The following FAM222A variants were observed in gnomAD, a reference collection of about 807,000 sequenced individuals.
FAM222A encodes protein FAM222A.
Under a neutral mutation model 25.8 loss-of-function variants are expected in FAM222A, and 7 were observed. The ratio of observed to expected loss-of-function variants is 0.27; its 90% CI spans 0.15 to 0.51. The LOEUF is 0.51. Among genes scored for constraint, FAM222A ranks in the 20% least tolerant of loss-of-function variants. FAM222A has a pLI of 0.97. For synonymous variants in FAM222A, 294 were observed against 298.8 expected (o/e 0.98, Z 0.17); for missense variants, 573 against 640.5 (o/e 0.89, Z 1.14).
At chr12:109,733,432 C>T (rs769055478) in intron 1 of FAM222A, among the ~76,000 whole-genome samples, 22 of 150,086 alleles carry the variant, frequency 1.5e-4, no homozygotes, top group Non-Finnish European at 1.3e-4. Context: ...GACGGAGTCT[C>T]GTTCTGTCAC....
intron 1 of FAM222A, among the ~76,000 whole-genome samples, chr12:109,724,868 G>A (rs569843094): frequency 1.3e-5 from 2 of 152,304 alleles, no homozygotes; most frequent in South Asian, 4.1e-4. Context: ...GAATGCATGA[G>A]GGAGGTATTT....
intron 2 of FAM222A, among the ~76,000 whole-genome samples, chr12:109,747,039 C>A (rs1440898601): frequency 6.6e-6 from 1 of 152,138 alleles, no homozygotes. Context: ...TGTCAGCACT[C>A]AAAAAGTTAC....
intron 2 of FAM222A, among the ~76,000 whole-genome samples, chr12:109,751,671 T>C (rs1888562668): frequency 6.6e-6 from 1 of 152,212 alleles, no homozygotes; most frequent in Non-Finnish European, 1.5e-5. Context: ...CACCTATTTT[T>C]CTCTTCTAAA....
At chr12:109,760,869 A>AAT (rs1228648957) in intron 2 of FAM222A, among the ~76,000 whole-genome samples, 2 of 152,162 alleles carry the variant, frequency 1.3e-5, no homozygotes, top group Non-Finnish European at 1.5e-5. Context: ...CCAGGTGGCC[A>AAT]GGGCCTTGAA....
intron 2 of FAM222A, among the ~76,000 whole-genome samples, chr12:109,747,145 G>A (rs1344743339): frequency 6.6e-6 from 1 of 152,200 alleles, no homozygotes; most frequent in Non-Finnish European, 1.5e-5. Flanking sequence ...CCAGGCTGGA[G>A]TGCAGTGGCA....
At chr12:109,746,646 T>C (rs1362541912) in intron 2 of FAM222A, among the ~76,000 whole-genome samples, 2 of 152,226 alleles carry the variant, frequency 1.3e-5, no homozygotes, top group South Asian at 2.1e-4. Context: ...ATAATTCATA[T>C]ACCATTCACC....
At chr12:109,736,474 C>T (rs1360951117) in intron 1 of FAM222A, among the ~76,000 whole-genome samples, 1 of 152,164 alleles carries the variant, frequency 6.6e-6, no homozygotes, top group Non-Finnish European at 1.5e-5. Flanking sequence ...CTCAGACATC[C>T]GGATGTGAAG....
intron 1 of FAM222A, chr12:109,720,166 C>G: frequency 4.1e-6 from 4 of 985,462 alleles, no homozygotes; most frequent in Non-Finnish European, 4.8e-6. Flanking sequence ...AAGCCAGCAT[C>G]CCAGCCGCAG....
At chr12:109,744,714 G>T (rs1476870761) in intron 2 of FAM222A, 1 of 985,334 alleles carries the variant, frequency 1.0e-6, no homozygotes, top group East Asian at 1.1e-4. Flanking sequence ...CACTATCTAG[G>T]ACCAGGATCT....
intron 1 of FAM222A, among the ~76,000 whole-genome samples, chr12:109,716,387 C>T (rs960903752): frequency 1.3e-5 from 2 of 152,176 alleles, no homozygotes. Context: ...AGTGTGTGTT[C>T]GGGTCATTAG....
chr12:109,739,369 G>T (rs1888175456), intron 1 of FAM222A, among the ~76,000 whole-genome samples: 1 of 152,246 alleles, frequency 6.6e-6, no homozygotes, highest in Non-Finnish European at 1.5e-5. Flanking sequence ...GTTCCTTTCT[G>T]GCAGGACACT....
At chr12:109,736,552 G>T (rs1566188400) in intron 1 of FAM222A, among the ~76,000 whole-genome samples, 1 of 152,084 alleles carries the variant, frequency 6.6e-6, no homozygotes, top group Non-Finnish European at 1.5e-5. Context: ...ACCCCCCCAG[G>T]CCAGGTAGGG....
chr12:109,752,255 C>A (rs985768007), intron 2 of FAM222A, among the ~76,000 whole-genome samples: 1 of 152,240 alleles, frequency 6.6e-6, no homozygotes, highest in African/African-American at 2.4e-5. Flanking sequence ...GCTTCCCCCG[C>A]CCATTCAGAT....
chr12:109,755,925 C>T (rs562653560), intron 2 of FAM222A, among the ~76,000 whole-genome samples: 1 of 152,236 alleles, frequency 6.6e-6, no homozygotes, highest in Non-Finnish European at 1.5e-5. Flanking sequence ...ACTTTGTCCT[C>T]TTCCTTCAAG....
intron 1 of FAM222A, among the ~76,000 whole-genome samples, chr12:109,741,179 C>G (rs1888232093): frequency 6.6e-6 from 1 of 152,144 alleles, no homozygotes; most frequent in African/African-American, 2.4e-5. Context: ...TCCTAGGACA[C>G]CCCACCACCC....
intron 2 of FAM222A, among the ~76,000 whole-genome samples, chr12:109,746,111 A>G (rs1192837938): frequency 2.6e-5 from 4 of 152,096 alleles, no homozygotes; most frequent in Non-Finnish European, 4.4e-5. Flanking sequence ...TGGATTTTGT[A>G]TCATACTTGG....
intron 1 of FAM222A, among the ~76,000 whole-genome samples, chr12:109,729,827 T>C (rs1887911298): frequency 6.6e-6 from 1 of 152,154 alleles, no homozygotes; most frequent in Admixed American, 6.5e-5. Context: ...TTCTTTTCGA[T>C]TTAATAAACA....
rs772438317 is a variant in FAM222A, at chr12:109,769,144, C to A, written c.1215C>A (p.Ser405Arg). Residue 405 changes from serine to arginine, a missense_variant, in exon 3 of 3, where the codon AGC becomes AGA. By Grantham distance (110) the Ser-to-Arg change is moderately radical. Transcript: ENST00000538780. ...SVCNTSVLSS[S>R]LQSLEYLIND... ...GCAACACATCGGTGCTGAGCAGCAG[C>A]CTGCAGTCACTGGAGTATCTCATCA... 5.0e-6 allele frequency: 8 copies of A among 1,612,360 alleles called. No homozygotes were observed. The African/African-American group carries it at 1.1e-4, about 22-fold the overall frequency.
intron 2 of FAM222A, among the ~76,000 whole-genome samples, chr12:109,763,730 A>G (rs1888963328): frequency 6.6e-6 from 1 of 152,206 alleles, no homozygotes; most frequent in African/African-American, 2.4e-5. Flanking sequence ...CTAGTTATAC[A>G]GGTCAGTCCT....
Sources: allele counts gnomAD v4.1 joint callset (sites outside exome capture counted in the v4.1 genomes callset), GRCh38; gene constraint gnomAD v4.1.1; transcripts MANE v1.5; gene names NCBI Gene and HGNC (gene_info 2026-07-23, HGNC 2026-07-21).